BCAS3: variants seen among roughly 807,000 people sequenced by gnomAD.
BCAS3 encodes BCAS3 microtubule associated cell migration factor.
A neutral mutation model predicts 116.1 loss-of-function variants in BCAS3; 53 were observed. The ratio of observed to expected loss-of-function variants is 0.46; its 90% CI spans 0.37 to 0.57. The LOEUF (loss-of-function observed/expected upper bound fraction) is 0.57, where lower values mean the gene tolerates loss of function less well. Ranked by LOEUF, BCAS3 falls within the 20% of genes least tolerant of loss-of-function variation. BCAS3 has a pLI of 0.00. For missense variants in BCAS3, 917 were observed against 1,165.4 expected, an observed-to-expected ratio of 0.79 and a Z score of 3.10; for synonymous variants, 391 against 408.2, an observed-to-expected ratio of 0.96 and a Z score of 0.51.
chr17:60,877,012 T>C (rs2055673183), intron 9 of BCAS3, among the ~76,000 whole-genome samples: 1 of 152,132 alleles, frequency 6.6e-6, no homozygotes, highest in South Asian at 2.1e-4. Context: ...TTTTTCAGAA[T>C]GTTTAGTTAA....
At chr17:60,774,668 A>G (rs1048476698) in intron 6 of BCAS3, among the ~76,000 whole-genome samples, 1 of 152,232 alleles carries the variant, frequency 6.6e-6, no homozygotes, top group African/African-American at 2.4e-5. Context: ...ATTAGTCTAG[A>G]GCAGGGGTCT....
chr17:60,957,119 T>C (rs2061173641), intron 14 of BCAS3, among the ~76,000 whole-genome samples: 1 of 152,222 alleles, frequency 6.6e-6, no homozygotes, highest in Non-Finnish European at 1.5e-5. Flanking sequence ...ACCTTACACA[T>C]ATTTTGTTAA....
At chr17:60,820,332 A>C (rs950605753) in intron 7 of BCAS3, among the ~76,000 whole-genome samples, 6 of 152,186 alleles carry the variant, frequency 3.9e-5, no homozygotes, top group Non-Finnish European at 7.4e-5. Flanking sequence ...GGCGTGAGCC[A>C]CCGTGCCCAG....
intron 22 of BCAS3, among the ~76,000 whole-genome samples, chr17:61,338,946 A>C (rs2056939131): frequency 6.7e-6 from 1 of 149,124 alleles, no homozygotes; most frequent in African/African-American, 2.5e-5. Flanking sequence ...AATAAGATGA[A>C]CTCTTCTTTC....
chr17:61,093,416 G>C (rs1313293063), intron 22 of BCAS3, among the ~76,000 whole-genome samples: 3 of 152,038 alleles, frequency 2.0e-5, no homozygotes, highest in African/African-American at 7.2e-5. Flanking sequence ...GCAAAACTCT[G>C]TCTGTACAAA....
intron 22 of BCAS3, among the ~76,000 whole-genome samples, chr17:61,110,059 A>C (rs2074953735): frequency 6.6e-6 from 1 of 152,186 alleles, no homozygotes; most frequent in South Asian, 2.1e-4. Flanking sequence ...ATCTTCTAGA[A>C]TCTTTATGGT....
At chr17:60,937,241 T>TTA (rs1555622966) in intron 13 of BCAS3, among the ~76,000 whole-genome samples, 3 of 152,018 alleles carry the variant, frequency 2.0e-5, no homozygotes, top group Non-Finnish European at 2.9e-5. Context: ...TGTTTTTTTT[T>TTA]TATATATCCT....
At position 61,016,383 on chromosome 17, in the gene BCAS3, G is replaced by A. The variant is rs79583811; in HGVS notation, c.1637+482G>A. Among the ~76,000 whole-genome samples the A allele has an allele frequency of 1.1e-4, 16 of 152,310 alleles. No individual in the cohort carries two copies. In the East Asian group the frequency reaches 2.9e-3, roughly 28 times the overall value. On this transcript the variant is annotated intron_variant, in intron 16 of 23. Transcript: ENST00000407086. ...GTCATTAGTGTCAGGACAATGTGATGTCATTGGTAGTTTTCAAAGCCAGTG... is the reference window on the plus strand; with the variant it reads ...GTCATTAGTGTCAGGACAATGTGATATCATTGGTAGTTTTCAAAGCCAGTG...
At chr17:60,947,388 G>GTGTA in intron 14 of BCAS3, 36 bp downstream of exon 14, 1 of 1,590,634 alleles carries the variant, frequency 6.3e-7, no homozygotes. Flanking sequence ...CGATTTCTTG[G>GTGTA]TGTAATATGA....
chr17:60,686,576 A>C (rs544184680), intron 3 of BCAS3, among the ~76,000 whole-genome samples: 3 of 151,322 alleles, frequency 2.0e-5, no homozygotes, highest in Admixed American at 6.6e-5. Context: ...CCCAGGCTGG[A>C]GTGCAATGGC....
chr17:61,163,456 A>G (rs536026720), intron 22 of BCAS3, among the ~76,000 whole-genome samples: 3 of 151,170 alleles, frequency 2.0e-5, no homozygotes, highest in Non-Finnish European at 4.4e-5. Flanking sequence ...GTTTTTTTCT[A>G]TGCTAAAATT....
rs1401081633 is a variant in BCAS3 at position 61,278,504 on chromosome 17, A to C, written c.2426-89823A>C. On this transcript the variant is annotated intron_variant, in intron 22 of 23. Coordinates refer to ENST00000407086, the MANE Select transcript of BCAS3 (RefSeq NM_017679.5). The surrounding 1 kb of genome is among the most constrained non-coding windows in gnomAD (Gnocchi z 5.8). ...TCAACTGTTGGATGGACCTACCCAA[A>C]GGAATTGAATGCAGGAACAGGAACA... Among the ~76,000 whole-genome samples the C allele has an allele frequency of 6.6e-6, 1 of 152,166 alleles. No individual in the cohort carries two copies. The highest frequency in any genetic ancestry group is 1.5e-5 in the Non-Finnish European group (1 of 68,018).
chr17:61,202,381 A>G (rs1421426177), intron 22 of BCAS3, among the ~76,000 whole-genome samples: 1 of 152,034 alleles, frequency 6.6e-6, no homozygotes, highest in African/African-American at 2.4e-5. Flanking sequence ...TAAGGTTGGG[A>G]TGAGGATTTT....
intron 5 of BCAS3, among the ~76,000 whole-genome samples, chr17:60,710,589 G>A (rs929779358): frequency 6.6e-5 from 10 of 151,638 alleles, no homozygotes; most frequent in South Asian, 2.1e-4. Flanking sequence ...CCGCCACCAC[G>A]CCTGGCTAAT....
chr17:61,001,666 TG>T (rs1395321830), intron 15 of BCAS3, among the ~76,000 whole-genome samples: 1 of 152,140 alleles, frequency 6.6e-6, no homozygotes, highest in Non-Finnish European at 1.5e-5. Context: ...AAAAATCTTG[TG>T]GGGGGATATC....
Position 61,215,325 on chromosome 17 carries a change from C to A in BCAS3, c.2425+130761C>A, listed in dbSNP as rs1025952083. ...TGCTCTGGATGGAGAATCTAGAGAT[C>A]TGGGGTTTTACTCATCACTGTCAGT... On this transcript the variant is annotated intron_variant, in intron 22 of 23. Transcript: ENST00000407086. This position sits in a 1 kb window ranked among gnomAD's most constrained non-coding sequence, Gnocchi z 4.8. Among the ~76,000 whole-genome samples, 2 of 152,148 alleles carry A rather than the reference C, an allele frequency of 1.3e-5. No homozygotes were observed.
intron 7 of BCAS3, chr17:60,810,991 G>T: frequency 1.5e-6 from 1 of 666,356 alleles, no homozygotes; most frequent in South Asian, 1.4e-5. Flanking sequence ...TCAGCAGATT[G>T]AAGAGAGCAC....
intron 7 of BCAS3, among the ~76,000 whole-genome samples, chr17:60,854,500 A>G (rs890479042): frequency 6.6e-6 from 1 of 152,170 alleles, no homozygotes; most frequent in Admixed American, 6.5e-5. Flanking sequence ...GTTGAACTAC[A>G]AGAAAAAAAC....
At position 61,333,059 on chromosome 17, in the gene BCAS3, G is replaced by T. The variant is rs78891137; in HGVS notation, c.2426-35268G>T. On this transcript the variant is annotated intron_variant, in intron 22 of 23. Coordinates refer to ENST00000407086, the MANE Select transcript of BCAS3 (RefSeq NM_017679.5). This position sits in a 1 kb window ranked among gnomAD's most constrained non-coding sequence, Gnocchi z 4.8. The stretch of plus-strand genomic sequence containing the variant: ...CTGCCCTCCCTAAACCTACACTGCT[G>T]CAGCCTGGAGGTTCCACAAGCCCTT... Among the ~76,000 whole-genome samples, 118 of 152,318 alleles carry T rather than the reference G, an allele frequency of 7.7e-4. No individual in the cohort carries two copies. Among genetic ancestry groups the T allele is most frequent in the African/African-American group, 2.7e-3 (111 of 41,562 alleles).
Sources: allele counts gnomAD v4.1 joint callset (sites outside exome capture counted in the v4.1 genomes callset), GRCh38; gene constraint gnomAD v4.1.1; non-coding constraint Gnocchi (gnomAD v3.1); transcripts MANE v1.5; gene names NCBI Gene and HGNC (gene_info 2026-07-23, HGNC 2026-07-21).